CDON: variants seen among roughly 807,000 people sequenced by gnomAD.
CDON encodes the protein cell adhesion molecule-related/down-regulated by oncogenes.
In CDON, 73 loss-of-function variants were observed where a neutral mutation model predicts 120.9. That is an observed-to-expected ratio of 0.60 (90% CI 0.50 to 0.73). The LOEUF is 0.73. CDON is among the 30% of genes least tolerant of loss of function. The pLI, the probability that CDON is intolerant of heterozygous loss-of-function variation, is 0.00. For missense variants in CDON, 1,470 were observed against 1,587.3 expected (o/e 0.93, Z 1.26); for synonymous variants, 566 against 573.5 (o/e 0.99, Z 0.19).
rs1187117235 is a variant in CDON, at chr11:126,015,445, TA to T, written c.993del (p.Phe331LeufsTer29). 17 of 1,613,938 alleles carry T rather than the reference TA, an allele frequency of 1.1e-5. No homozygotes were observed. Among genetic ancestry groups the T allele is most frequent in the Non-Finnish European group, 1.4e-5 (17 of 1,179,948 alleles). On this transcript the variant is annotated frameshift_variant, in exon 7 of 20. Transcript: ENST00000531738. LOFTEE classifies it high-confidence loss of function. ...GCTGGGTTCCCATGAACGTCGCAGG[TA>T]AAGTGTACTGTGGCACCCAGAGACA... Reference protein sequence around the residue: ...QIVSLGATVHFTCDVHGNPAP... With the variant: ...QIVSLGATVHXTCDVHGNPAP...
At chr11:125,998,333 G>A (rs1946846448) in intron 11 of CDON, among the ~76,000 whole-genome samples, 1 of 152,184 alleles carries the variant, frequency 6.6e-6, no homozygotes, top group African/African-American at 2.4e-5. Context: ...TGTCATGGGG[G>A]TGGTTCCCTC....
At position 125,960,846 on chromosome 11, in the gene CDON, T is replaced by G. The variant is rs1470075153; in HGVS notation, c.*96A>C. 2.8e-6 allele frequency: 3 copies of G among 1,086,162 alleles called. No individual in the cohort carries two copies. The highest frequency in any genetic ancestry group is 4.3e-6 in the Non-Finnish European group (3 of 704,468). 67.3% of individuals were successfully genotyped at this position (1,086,162 alleles called of 1,614,324 possible). A position where few individuals can be genotyped will look rare whatever the true frequency, so the allele number is the denominator to read the frequency against. On this transcript the variant is annotated 3_prime_UTR_variant, in exon 20 of 20. Coordinates refer to ENST00000531738, the MANE Select transcript of CDON (RefSeq NM_001378964.1). ...CAAAAAAATAAATAATGATTTTCTC[T>G]GATTTGAATTAAGGTCCTTCACACA... is the stretch of plus-strand genomic sequence containing the variant.
At chr11:126,022,388 T>A (rs73021216) in intron 2 of CDON, among the ~76,000 whole-genome samples, 6,364 of 152,282 alleles carry the variant, frequency 0.042, 159 homozygotes, top group Middle Eastern at 0.088. Context: ...ATACAAAGGC[T>A]ATCCTTTCTT....
chr11:126,036,064 C>T (rs1430839049), intron 1 of CDON, among the ~76,000 whole-genome samples: 1 of 152,134 alleles, frequency 6.6e-6, no homozygotes, highest in Non-Finnish European at 1.5e-5. Context: ...CATATAAATA[C>T]ACACATATGT....
At chr11:126,019,549 A>C in intron 4 of CDON, 70 bp downstream of exon 4, 1 of 1,541,150 alleles carries the variant, frequency 6.5e-7, no homozygotes, top group Non-Finnish European at 9.0e-7. Flanking sequence ...TAGCACACAG[A>C]GCTTAGAAGT....
intron 1 of CDON, among the ~76,000 whole-genome samples, chr11:126,052,276 G>A (rs1948581799): frequency 6.6e-6 from 1 of 152,122 alleles, no homozygotes; most frequent in South Asian, 2.1e-4. Flanking sequence ...TGGGAACTCA[G>A]GGTAGAAATC....
intron 9 of CDON, among the ~76,000 whole-genome samples, chr11:126,004,696 G>A (rs1290280724): frequency 6.6e-6 from 1 of 152,098 alleles, no homozygotes; most frequent in Non-Finnish European, 1.5e-5. Flanking sequence ...TCATTCATCA[G>A]GTTGGAAATA....
Position 126,019,738 on chromosome 11 carries a change from T to C in CDON, c.377A>G (p.Lys126Arg), listed in dbSNP as rs749042631. ...TTTTTCTTCTGCTGTAATAACATGC[T>C]TTGTGGATGAACCAAAATCACCAAG... is the stretch of plus-strand genomic sequence containing the variant. ...AVLGDFGSST[K>R]HVITAEEKSA... is the part of the protein sequence containing the mutation. The change falls in exon 4 of 20, where the codon AAG becomes AGG. Residue 126 changes from lysine (K) to arginine (R), a missense_variant. Transcript: ENST00000531738. The C allele has an allele frequency of 2.2e-5, 35 of 1,613,890 alleles. No individual in the cohort carries two copies. Among genetic ancestry groups the C allele is most frequent in the Non-Finnish European group, 3.0e-5 (35 of 1,179,834 alleles).
chr11:126,063,039 A>C (rs1267963227), upstream of CDON, among the ~76,000 whole-genome samples: 2 of 150,612 alleles, frequency 1.3e-5, no homozygotes, highest in African/African-American at 4.9e-5. Flanking sequence ...ACCCGGCCGG[A>C]GTGTGCGCGC....
intron 1 of CDON, among the ~76,000 whole-genome samples, chr11:126,037,325 T>C (rs553091452): frequency 1.2e-3 from 189 of 152,054 alleles, no homozygotes; most frequent in African/African-American, 4.5e-3. Flanking sequence ...GTCTTGAACT[T>C]CTGATCTCAA....
chr11:125,981,844 T>C (rs1946310599), intron 16 of CDON, among the ~76,000 whole-genome samples: 2 of 151,960 alleles, frequency 1.3e-5, no homozygotes. Flanking sequence ...CAAGTAGCAA[T>C]AAACAACTCT....
chr11:125,984,491 G>C (rs1347924104), intron 15 of CDON, among the ~76,000 whole-genome samples: 1 of 152,190 alleles, frequency 6.6e-6, no homozygotes, highest in South Asian at 2.1e-4. Context: ...GAGCTCAGGA[G>C]TTTGCGAACG....
intron 9 of CDON, chr11:126,004,312 A>C: frequency 1.9e-6 from 1 of 529,998 alleles, no homozygotes; most frequent in Non-Finnish European, 3.4e-6. Context: ...CTGACCACTA[A>C]TGTGTGGCCT....
intron 18 of CDON, among the ~76,000 whole-genome samples, chr11:125,965,415 C>T (rs968661693): frequency 4.6e-5 from 7 of 152,112 alleles, no homozygotes; most frequent in Admixed American, 2.0e-4. Flanking sequence ...AGGAAAGGTC[C>T]GAGTGGCCCT....
At chr11:126,024,045 C>G (rs777744623) in intron 1 of CDON, among the ~76,000 whole-genome samples, 2 of 152,236 alleles carry the variant, frequency 1.3e-5, no homozygotes, top group Non-Finnish European at 2.9e-5. Flanking sequence ...ATGGAGGACT[C>G]CTGGCTCATG....
upstream of CDON, among the ~76,000 whole-genome samples, chr11:126,062,994 C>T (rs1948843482): frequency 6.6e-6 from 1 of 151,620 alleles, no homozygotes; most frequent in South Asian, 2.1e-4. Context: ...CTGACGGAGG[C>T]GGGCCGTAGA....
Position 125,958,246 on chromosome 11 carries a change from A to C in CDON, c.*2696T>G, listed in dbSNP as rs1030789560. Reference sequence around the variant, plus strand: ...GTATGGAAAAATGGGAGGAGCCCAGATTATGGCTCCAGATAAACTAGGTTC... The same window carrying C: ...GTATGGAAAAATGGGAGGAGCCCAGCTTATGGCTCCAGATAAACTAGGTTC... On this transcript the variant is annotated 3_prime_UTR_variant, in exon 20 of 20. Transcript: ENST00000531738. 2 of 152,226 alleles carry C rather than the reference A, an allele frequency of 1.3e-5. No homozygotes were observed. Among genetic ancestry groups the C allele is most frequent in the African/African-American group, 4.8e-5 (2 of 41,460 alleles). The allele number at this position is 152,226 out of a possible 1,614,324, so 9.4% of individuals were successfully genotyped here.
intron 1 of CDON, among the ~76,000 whole-genome samples, chr11:126,047,703 C>G (rs1418089693): frequency 3.3e-5 from 5 of 152,140 alleles, no homozygotes; most frequent in African/African-American, 1.2e-4. Flanking sequence ...GAAATCAAGG[C>G]ACAGAGGGCT....
At position 126,015,362 on chromosome 11, in the gene CDON, T is replaced by A; in HGVS notation, c.1077A>T (p.Leu359=). 1 of 1,614,144 alleles carries A rather than the reference T, an allele frequency of 6.2e-7. No individual in the cohort carries two copies. The highest frequency in any genetic ancestry group is 8.5e-7 in the Non-Finnish European group (1 of 1,180,014). ...AQPIHPSARH[L]TAGNGLKISG... is the part of the protein sequence containing the mutation. ...TGATTTTCAGTCCGTTTCCTGCAGT[T>A]AGATGTCGTGCAGAAGGATGAATAG... is the stretch of plus-strand genomic sequence containing the variant. Residue 359 remains leucine, a synonymous_variant, in exon 7 of 20, where the codon CTA becomes CTT. Transcript: ENST00000531738.
Sources: allele counts gnomAD v4.1 joint callset (sites outside exome capture counted in the v4.1 genomes callset), GRCh38; gene constraint gnomAD v4.1.1; transcripts MANE v1.5; gene names NCBI Gene and HGNC (gene_info 2026-07-23, HGNC 2026-07-21).